Variants in CTXN3 observed in about 807,000 individuals in gnomAD.
CTXN3 encodes cortexin 3.
A neutral mutation model predicts 5.0 loss-of-function variants in CTXN3; 4 were observed. That is an observed-to-expected ratio of 0.79 (90% confidence interval 0.39 to 1.82). CTXN3 has a LOEUF of 1.82. Among genes scored for constraint, CTXN3 ranks in the 40% most tolerant of loss-of-function variants. CTXN3 has a pLI of 0.04. For synonymous variants in CTXN3, 48 were observed against 38.6 expected (o/e 1.24, Z -0.91); for missense variants, 89 against 99.7 (o/e 0.89, Z 0.46).
At position 127,657,715 on chromosome 5, in the gene CTXN3, C is replaced by T; in HGVS notation, c.194C>T (p.Ala65Val). Residue 65 changes from alanine to valine, a missense_variant, in exon 3 of 3, where the codon GCT becomes GTT. Coordinates refer to ENST00000379445, the MANE Select transcript of CTXN3 (RefSeq NM_001048252.3). Reference sequence around the variant, plus strand: ...CGAAGCATGCCAACCTCTACCTGGGCTGATGGACTTGAAGGCCTGGAGAAA... The same window carrying T: ...CGAAGCATGCCAACCTCTACCTGGGTTGATGGACTTGAAGGCCTGGAGAAA... Reference protein sequence around the residue: ...PYRSMPTSTWADGLEGLEKGQ... With the variant: ...PYRSMPTSTWVDGLEGLEKGQ... The T allele has an allele frequency of 3.1e-6, 5 of 1,614,180 alleles. No individual in the cohort carries two copies. The highest frequency in any genetic ancestry group is 4.2e-6 in the Non-Finnish European group (5 of 1,180,024).
intron 1 of CTXN3, among the ~76,000 whole-genome samples, chr5:127,650,796 T>TGGATAATA (rs1239493241): frequency 6.6e-6 from 1 of 152,180 alleles, no homozygotes; most frequent in Non-Finnish European, 1.5e-5. Flanking sequence ...GTGGTGGGGA[T>TGGATAATA]GGATAATAGG....
At chr5:127,653,977 G>A (rs1749849362) in intron 2 of CTXN3, among the ~76,000 whole-genome samples, 1 of 152,066 alleles carries the variant, frequency 6.6e-6, no homozygotes, top group Non-Finnish European at 1.5e-5. Context: ...ACACCACCAT[G>A]CCTGTCTTCC....
rs370120143 is a variant in CTXN3 at position 127,658,480 on chromosome 5, C to A, written c.*713C>A. 1 of 166,996 alleles carries A rather than the reference C, an allele frequency of 6.0e-6. No individual in the cohort carries two copies. Among genetic ancestry groups the A allele is most frequent in the Non-Finnish European group, 1.5e-5 (1 of 68,108 alleles). The allele number at this position is 166,996 out of a possible 1,614,324, so 10.3% of individuals were successfully genotyped here. ...ATACATTACTTGAATTTACACTTTA[C>A]ACAAATGATTTAAAAAATAGGTTGC... On this transcript the variant is annotated 3_prime_UTR_variant, in exon 3 of 3. Transcript: ENST00000379445.
chr5:127,655,066 C>G (rs1343996614), intron 2 of CTXN3, among the ~76,000 whole-genome samples: 1 of 151,864 alleles, frequency 6.6e-6, no homozygotes, highest in Non-Finnish European at 1.5e-5. Flanking sequence ...GAGTTCAAGA[C>G]CAGCCTGACC....
chr5:127,653,848 T>C (rs1466747868), intron 2 of CTXN3, among the ~76,000 whole-genome samples: 1 of 152,112 alleles, frequency 6.6e-6, no homozygotes, highest in Non-Finnish European at 1.5e-5. Context: ...CTGGGCAAAA[T>C]TGTGAATTAG....
chr5:127,653,538 G>A (rs933599975), intron 2 of CTXN3, 115 bp downstream of exon 2: 3 of 152,064 alleles, frequency 2.0e-5, no homozygotes, highest in African/African-American at 7.2e-5. Flanking sequence ...GATTTCCCTG[G>A]TCATCTAAAA....
At chr5:127,656,598 A>G (rs1749913839) in intron 2 of CTXN3, among the ~76,000 whole-genome samples, 1 of 152,218 alleles carries the variant, frequency 6.6e-6, no homozygotes, top group African/African-American at 2.4e-5. Flanking sequence ...AGCAGCAGTA[A>G]CTTGATAGTT....
chr5:127,654,189 T>A (rs2126741930), intron 2 of CTXN3, among the ~76,000 whole-genome samples: 1 of 152,340 alleles, frequency 6.6e-6, no homozygotes, highest in East Asian at 1.9e-4. Flanking sequence ...TTATAGGAAC[T>A]TGGGCACCAC....
rs558937613 is a variant in CTXN3 at position 127,654,860 on chromosome 5, C to T, written c.-100+1437C>T. Among the ~76,000 whole-genome samples, 108 of 152,258 alleles carry T rather than the reference C, an allele frequency of 7.1e-4. 1 individual carries two copies. Among genetic ancestry groups the T allele is most frequent in the African/African-American group, 2.5e-3 (104 of 41,552 alleles). Reference sequence around the variant, plus strand: ...AAAAGGTTCTCTATCTAGTTCTTACCTGAATTTTTGGATTTCACAGATCCA... The same window carrying T: ...AAAAGGTTCTCTATCTAGTTCTTACTTGAATTTTTGGATTTCACAGATCCA... On this transcript the variant is annotated intron_variant, in intron 2 of 2. Coordinates refer to ENST00000379445, the MANE Select transcript of CTXN3 (RefSeq NM_001048252.3).
At chr5:127,655,068 A>G in intron 2 of CTXN3, among the ~76,000 whole-genome samples, 1 of 152,018 alleles carries the variant, frequency 6.6e-6, no homozygotes, top group African/African-American at 2.4e-5. Flanking sequence ...GTTCAAGACC[A>G]GCCTGACCAA....
intron 1 of CTXN3, chr5:127,652,103 T>C (rs1321027053): frequency 6.6e-6 from 1 of 152,184 alleles, no homozygotes; most frequent in East Asian, 1.9e-4. Flanking sequence ...TTCTGGCTGA[T>C]TTTTATATTT....
intron 1 of CTXN3, among the ~76,000 whole-genome samples, chr5:127,652,075 A>G (rs1183569114): frequency 1.3e-5 from 2 of 152,214 alleles, no homozygotes; most frequent in Non-Finnish European, 2.9e-5. Context: ...CCTCTTAAAT[A>G]AAAGGGTAAC....
Position 127,658,094 on chromosome 5 carries a change from A to C in CTXN3, c.*327A>C, listed in dbSNP as rs537574148. 3.4e-4 allele frequency: 100 copies of C among 292,690 alleles called. No homozygotes were observed. Among genetic ancestry groups the C allele is most frequent in the Non-Finnish European group, 6.5e-4 (94 of 145,736 alleles). 18.1% of individuals were successfully genotyped at this position (292,690 alleles called of 1,614,324 possible). On this transcript the variant is annotated 3_prime_UTR_variant, in exon 3 of 3. Coordinates refer to ENST00000379445, the MANE Select transcript of CTXN3 (RefSeq NM_001048252.3). ...AACAAAACACCACCTGATCTGACTA[A>C]AGAATAAAAGACTAGAAAGGATCTC...
intron 2 of CTXN3, among the ~76,000 whole-genome samples, chr5:127,657,042 A>G (rs248710): frequency 0.37 from 56,164 of 152,046 alleles, 10,501 homozygotes; most frequent in East Asian, 0.4. Context: ...GGCTCCCTCA[A>G]TGGCGCTATC....
intron 2 of CTXN3, among the ~76,000 whole-genome samples, chr5:127,654,267 C>G (rs1463936088): frequency 5.3e-5 from 8 of 152,140 alleles, no homozygotes; most frequent in Admixed American, 3.3e-4. Flanking sequence ...TCTTTCACCT[C>G]TATTTGCTCA....
At position 127,657,849 on chromosome 5, in the gene CTXN3, C is replaced by T; in HGVS notation, c.*82C>T. The T allele has an allele frequency of 1.3e-6, 2 of 1,508,958 alleles. No homozygotes were observed. The highest frequency in any genetic ancestry group is 1.8e-6 in the Non-Finnish European group (2 of 1,106,608). The allele number at this position is 1,508,958 out of a possible 1,614,324, so 93.5% of individuals were successfully genotyped here. A position where few individuals can be genotyped will look rare whatever the true frequency, so the allele number is the denominator to read the frequency against. ...GATTCCCTTTATTTAGTGTTCTCAA[C>T]AAATCAAATTTAAACAATATTTGGT... is the stretch of plus-strand genomic sequence containing the variant. On this transcript the variant is annotated 3_prime_UTR_variant, in exon 3 of 3. Transcript: ENST00000379445.
chr5:127,649,129 CT>C lies in CTXN3; in HGVS notation c.-465del, dbSNP rs1749732748. The C allele has an allele frequency of 6.6e-6, 1 of 152,152 alleles. No homozygotes were observed. The highest frequency in any genetic ancestry group is 2.1e-4 in the South Asian group (1 of 4,828). The allele number at this position is 152,152 out of a possible 1,614,324, so 9.4% of individuals were successfully genotyped here. On this transcript the variant is annotated 5_prime_UTR_variant, in exon 1 of 3. An upstream open reading frame in the 5' UTR loses its in-frame stop. Transcript: ENST00000379445. ...AGGCAGAACTGAAATCATGGCTCAC[CT>C]CAAAGAAGCAGCAGTATTGGCCGTT...
At chr5:127,654,355 A>G (rs182396820) in intron 2 of CTXN3, among the ~76,000 whole-genome samples, 12 of 152,330 alleles carry the variant, frequency 7.9e-5, no homozygotes, top group African/African-American at 2.4e-4. Context: ...AGGCTTCTCA[A>G]TGCAAAGAGG....
chr5:127,649,622 A>C (rs918960475), intron 1 of CTXN3, among the ~76,000 whole-genome samples: 1 of 152,194 alleles, frequency 6.6e-6, no homozygotes, highest in African/African-American at 2.4e-5. Context: ...TGTTATTGAT[A>C]CTGGATGAAG....
Sources: gnomAD v4.1 joint callset for allele counts (sites outside exome capture counted in the v4.1 genomes callset) on GRCh38, gnomAD v4.1.1 for gene constraint, MANE v1.5 for transcripts, NCBI Gene and HGNC (gene_info 2026-07-23, HGNC 2026-07-21) for gene names.